Variants in RMC1 observed in about 807,000 individuals in gnomAD.
RMC1 encodes regulator of MON1-CCZ1, also known as regulator of MON1-CCZ1 complex.
Under a neutral mutation model 95.5 loss-of-function variants are expected in RMC1, and 44 were observed. The observed-to-expected ratio is 0.46, with a 90% CI of 0.36 to 0.59. The LOEUF is 0.59. Among genes scored for constraint, RMC1 ranks in the 20% least tolerant of loss-of-function variants. The pLI is 0.00. For synonymous variants in RMC1, 320 were observed against 303.6 expected, an observed-to-expected ratio of 1.05 and a Z score of -0.56; for missense variants, 705 against 819.6, an observed-to-expected ratio of 0.86 and a Z score of 1.71.
chr18:23,506,028 G>A (rs1208518751), intron 2 of RMC1, among the ~76,000 whole-genome samples: 1 of 151,952 alleles, frequency 6.6e-6, no homozygotes, highest in Admixed American at 6.6e-5. Context: ...TTAGCCAGGT[G>A]TGGTGGCACG....
At chr18:23,510,491 T>TA (rs762310825) in intron 5 of RMC1, among the ~76,000 whole-genome samples, 4 of 151,480 alleles carry the variant, frequency 2.6e-5, no homozygotes, top group African/African-American at 4.9e-5. Flanking sequence ...CTATTAAAAA[T>TA]ACAAAAATTA....
At chr18:23,513,472 C>T (rs1490041051) in intron 5 of RMC1, among the ~76,000 whole-genome samples, 1 of 152,218 alleles carries the variant, frequency 6.6e-6, no homozygotes, top group Non-Finnish European at 1.5e-5. Context: ...GCTTCTGCCT[C>T]TTGGCCATTG....
At chr18:23,524,221 C>A in intron 11 of RMC1, 47 bp downstream of exon 11, 1 of 1,605,116 alleles carries the variant, frequency 6.2e-7, no homozygotes, top group South Asian at 1.1e-5. Context: ...GGCAAGTGGT[C>A]ACCCTCAGAG....
At chr18:23,527,398 C>CA (rs1328369076) in intron 13 of RMC1, among the ~76,000 whole-genome samples, 41 of 149,462 alleles carry the variant, frequency 2.7e-4, no homozygotes, top group Admixed American at 6.7e-4. Context: ...ACCCTGTATC[C>CA]AAAAAAAAAT....
At chr18:23,519,735 G>A (rs2145208831) in intron 9 of RMC1, among the ~76,000 whole-genome samples, 2 of 152,270 alleles carry the variant, frequency 1.3e-5, no homozygotes, top group South Asian at 4.1e-4. Context: ...TCCATTCCAC[G>A]AGTACTTGAA....
At position 23,531,815 on chromosome 18, in the gene RMC1, A is replaced by G; in HGVS notation, c.*111A>G. The G allele has an allele frequency of 6.6e-7, 1 of 1,505,480 alleles. No homozygotes were observed. 93.3% of individuals were successfully genotyped at this position (1,505,480 alleles called of 1,614,324 possible). A position where few individuals can be genotyped will look rare whatever the true frequency, so the allele number is the denominator to read the frequency against. On this transcript the variant is annotated 3_prime_UTR_variant, in exon 20 of 20. Transcript: ENST00000269221. ...AAGTGTATCTACAACCTCAACTGTC[A>G]CTAAAAATATGGTATAGAACTTGTG...
chr18:23,515,486 T>A (rs186381315), intron 5 of RMC1, among the ~76,000 whole-genome samples: 14 of 152,344 alleles, frequency 9.2e-5, no homozygotes, highest in African/African-American at 3.4e-4. Flanking sequence ...CTGCTTTTTA[T>A]TCTCAGAGCG....
intron 2 of RMC1, 180 bp from the exon 3 acceptor site, chr18:23,506,790 C>T (rs1172838377): frequency 3.9e-6 from 2 of 508,250 alleles, no homozygotes; most frequent in Non-Finnish European, 7.1e-6. Flanking sequence ...CCAGCAAGTT[C>T]TTTCCAGTTG....
intron 4 of RMC1, among the ~76,000 whole-genome samples, chr18:23,508,283 G>A (rs1213417749): frequency 6.6e-6 from 1 of 152,198 alleles, no homozygotes; most frequent in Non-Finnish European, 1.5e-5. Context: ...TGAACACCCA[G>A]TAGTGCTAGC....
chr18:23,508,110 G>A (rs1170872641), intron 4 of RMC1, 69 bp downstream of exon 4: 15 of 1,408,886 alleles, frequency 1.1e-5, no homozygotes, highest in African/African-American at 1.5e-5. Context: ...AGTGGAGAGC[G>A]GGGCATTGGG....
chr18:23,510,350 T>G (rs2057820518), intron 5 of RMC1, among the ~76,000 whole-genome samples: 1 of 149,876 alleles, frequency 6.7e-6, no homozygotes, highest in Admixed American at 6.7e-5. Context: ...CACAACAACA[T>G]TAAAAAGTGG....
At position 23,519,515 on chromosome 18, in the gene RMC1, C is replaced by A. The variant is rs114598708; in HGVS notation, c.849+341C>A. 5.8e-3 allele frequency among the ~76,000 whole-genome samples: 864 copies of A among 148,408 alleles called. 9 individuals are homozygous for A. Among genetic ancestry groups the A allele is most frequent in the African/African-American group, 0.02 (797 of 40,338 alleles). On this transcript the variant is annotated intron_variant, in intron 9 of 19. Transcript: ENST00000269221. ...CCTGGGTGATGGAGCAAGATCCTGT[C>A]TCCGAAAAAAAAAAAAAATTGGCAA...
chr18:23,530,148 T>G lies in RMC1; in HGVS notation c.1599+16T>G, dbSNP rs776617809. 6 of 1,613,860 alleles carry G rather than the reference T, an allele frequency of 3.7e-6. No homozygotes were observed. In the Middle Eastern group the frequency reaches 4.9e-4, roughly 133 times the overall value. On this transcript the variant is annotated intron_variant, in intron 17 of 19. Coordinates refer to ENST00000269221, the MANE Select transcript of RMC1 (RefSeq NM_013326.5). ...CAAACCTTTGGTATGCATTGCCAGATTTTTACTTCCATTGTGGTTAAAAAT... is the reference window on the plus strand; with the variant it reads ...CAAACCTTTGGTATGCATTGCCAGAGTTTTACTTCCATTGTGGTTAAAAAT...
chr18:23,517,261 T>C (rs1205503301), intron 7 of RMC1, among the ~76,000 whole-genome samples: 1 of 152,036 alleles, frequency 6.6e-6, no homozygotes. Flanking sequence ...GCGATTCTCC[T>C]GCCTCAGCCT....
intron 1 of RMC1, 99 bp downstream of exon 1, chr18:23,503,819 T>C (rs1289442993): frequency 1.0e-6 from 1 of 984,922 alleles, no homozygotes; most frequent in Non-Finnish European, 1.4e-6. Flanking sequence ...TCCCCTCCTG[T>C]CCTGTCCCGT....
rs2058224656 is a variant in RMC1 at position 23,524,109 on chromosome 18, TTA to T, written c.962-19_962-18del. ...GCATTTTCTGACTGCATCGTTGCACTTATGTTTTCTCAATTTGTAGGTCCTGC... is the reference window on the plus strand; with the variant it reads ...GCATTTTCTGACTGCATCGTTGCACTTGTTTTCTCAATTTGTAGGTCCTGC... On this transcript the variant is annotated intron_variant, in intron 10 of 19. Transcript: ENST00000269221. 1 of 1,613,888 alleles carries T rather than the reference TTA, an allele frequency of 6.2e-7. No homozygotes were observed. Among genetic ancestry groups the T allele is most frequent in the Non-Finnish European group, 8.5e-7 (1 of 1,179,900 alleles).
intron 5 of RMC1, among the ~76,000 whole-genome samples, chr18:23,511,002 T>C (rs146777951): frequency 2.0e-5 from 3 of 152,338 alleles, no homozygotes; most frequent in African/African-American, 7.2e-5. Context: ...ATATAAATTA[T>C]TCTACCATAA....
At chr18:23,525,284 G>A (rs558622356) in intron 12 of RMC1, among the ~76,000 whole-genome samples, 2 of 151,936 alleles carry the variant, frequency 1.3e-5, no homozygotes, top group South Asian at 2.1e-4. Flanking sequence ...GTCTTGCTCC[G>A]TCACCCAGCC....
chr18:23,528,305 T>C (rs895914763), intron 14 of RMC1: 5 of 163,386 alleles, frequency 3.1e-5, no homozygotes, highest in Non-Finnish European at 5.4e-5. Context: ...TCTTCCCTTT[T>C]GGGAAAGAAT....
Sources: gnomAD v4.1 joint callset for allele counts (sites outside exome capture counted in the v4.1 genomes callset) on GRCh38, gnomAD v4.1.1 for gene constraint, MANE v1.5 for transcripts, NCBI Gene and HGNC (gene_info 2026-07-23, HGNC 2026-07-21) for gene names.